PCDH9: variants seen among roughly 807,000 people sequenced by gnomAD.
PCDH9 encodes the protein protocadherin-9.
In PCDH9, 24 loss-of-function variants were observed where a neutral mutation model predicts 70.6. That is an observed-to-expected ratio of 0.34 (90% CI 0.25 to 0.48). The LOEUF (loss-of-function observed/expected upper bound fraction) is 0.48, where lower values mean the gene tolerates loss of function less well. Among genes scored for constraint, PCDH9 ranks in the 20% least tolerant of loss-of-function variants. The pLI is 0.99. For synonymous variants in PCDH9, 562 were observed against 558.5 expected (o/e 1.01, Z -0.09); for missense variants, 1,281 against 1,503.6 (o/e 0.85, Z 2.45).
chr13:66,353,114 C>T (rs1389326202), intron 4 of PCDH9, among the ~76,000 whole-genome samples: 2 of 152,126 alleles, frequency 1.3e-5, no homozygotes, highest in African/African-American at 4.8e-5. Context: ...AATGAAATTC[C>T]TTCCTTTACC....
chr13:67,144,401 C>T (rs575598301), intron 2 of PCDH9, among the ~76,000 whole-genome samples: 2 of 152,198 alleles, frequency 1.3e-5, no homozygotes, highest in Admixed American at 6.5e-5. Context: ...AATATCCTGT[C>T]GTTGGAACTG....
At chr13:66,980,734 T>TTTG (rs1555293457) in intron 2 of PCDH9, among the ~76,000 whole-genome samples, 7 of 138,464 alleles carry the variant, frequency 5.1e-5, no homozygotes, top group Non-Finnish European at 1.1e-4. Context: ...TTCTTTGTTT[T>TTTG]TTTTTTTGTT....
At chr13:66,674,974 A>G (rs2078223215) in intron 3 of PCDH9, among the ~76,000 whole-genome samples, 1 of 152,076 alleles carries the variant, frequency 6.6e-6, no homozygotes, top group African/African-American at 2.4e-5. Context: ...CAGTCCTCAT[A>G]ATCTTTTAAT....
intron 2 of PCDH9, among the ~76,000 whole-genome samples, chr13:67,085,802 T>C (rs995047811): frequency 1.3e-5 from 2 of 152,188 alleles, no homozygotes; most frequent in African/African-American, 2.4e-5. Context: ...CAGTGGATGG[T>C]AAATAGATCT....
At position 67,227,722 on chromosome 13, in the gene PCDH9, A is replaced by G. The variant is rs1482865110; in HGVS notation, c.719T>C (p.Val240Ala). The change falls in exon 2 of 5, where the codon GTC becomes GCC. Residue 240 changes from valine to alanine, a missense_variant. Physicochemically the swap from Val to Ala is moderately conservative, Grantham distance 64. This residue lies in a region of PCDH9 where 798 missense variants were observed against 1,003.1 expected (regional missense o/e 0.80). Coordinates refer to ENST00000377865, the MANE Select transcript of PCDH9 (RefSeq NM_203487.3). The surrounding 1 kb of genome is among the most constrained non-coding windows in gnomAD (Gnocchi z 4.6). ...GTTGTCATTTACATCACTTACTGTG[A>G]CCTGCAGTATGGCCGTACTGGATTT... ...PQKSSTAILQ[V>A]TVSDVNDNRP... 6.2e-7 allele frequency: 1 copy of G among 1,613,924 alleles called. No homozygotes were observed. Among genetic ancestry groups the G allele is most frequent in the Non-Finnish European group, 8.5e-7 (1 of 1,179,824 alleles).
At chr13:66,781,572 T>A (rs1054883450) in intron 3 of PCDH9, among the ~76,000 whole-genome samples, 1 of 152,158 alleles carries the variant, frequency 6.6e-6, no homozygotes, top group African/African-American at 2.4e-5. Context: ...AAAGAATACA[T>A]TTTTTGGTGA....
At position 66,654,427 on chromosome 13, in the gene PCDH9, C is replaced by A. The variant is rs1230717575; in HGVS notation, c.3139-23016G>T. Among the ~76,000 whole-genome samples, 5 of 151,538 alleles carry A rather than the reference C, an allele frequency of 3.3e-5. No individual in the cohort carries two copies. In the East Asian group the frequency reaches 9.7e-4, roughly 29 times the overall value. On this transcript the variant is annotated intron_variant, in intron 3 of 4. Coordinates refer to ENST00000377865, the MANE Select transcript of PCDH9 (RefSeq NM_203487.3). ...CATAGCACAACAGGGAAACTACAGTCAACAATAATTTATTGTATATTTTAG... is the reference window on the plus strand; with the variant it reads ...CATAGCACAACAGGGAAACTACAGTAAACAATAATTTATTGTATATTTTAG...
chr13:66,933,893 A>C (rs1175135108), intron 2 of PCDH9, among the ~76,000 whole-genome samples: 1 of 75,368 alleles, frequency 1.3e-5, no homozygotes, highest in African/African-American at 4.2e-5. Flanking sequence ...TAAGCTAGGC[A>C]AAAAAAAAAA....
At chr13:66,838,944 C>T (rs1286667357) in intron 3 of PCDH9, among the ~76,000 whole-genome samples, 1 of 151,920 alleles carries the variant, frequency 6.6e-6, no homozygotes, top group African/African-American at 2.4e-5. Context: ...ACATTTTGAA[C>T]TAGTGCAAAG....
At chr13:66,526,390 TC>T (rs1385690113) in intron 4 of PCDH9, among the ~76,000 whole-genome samples, 7 of 152,040 alleles carry the variant, frequency 4.6e-5, no homozygotes, top group Non-Finnish European at 1.0e-4. Flanking sequence ...GAATGAAGAC[TC>T]CCCTGAAGAG....
chr13:67,213,689 T>C (rs1431754375), intron 2 of PCDH9: 2 of 152,130 alleles, frequency 1.3e-5, no homozygotes, highest in Non-Finnish European at 2.9e-5. Flanking sequence ...AGGTTTTATG[T>C]GTTAGATTAA....
In PCDH9 at chr13:66,527,814, T is replaced by TC. The variant is rs1960280331; in HGVS notation, c.3340+103395dup. Among the ~76,000 whole-genome samples, 8 of 152,212 alleles carry TC rather than the reference T, an allele frequency of 5.3e-5. No homozygotes were observed. The South Asian group carries it at 1.5e-3, about 28-fold the overall frequency. ...GGGCAGATCACTTGAGGTCAGGAGT[T>TC]CAAGACCAGCCTGGGGAACATGGCA... is the stretch of plus-strand genomic sequence containing the variant. On this transcript the variant is annotated intron_variant, in intron 4 of 4. Coordinates refer to ENST00000377865, the MANE Select transcript of PCDH9 (RefSeq NM_203487.3).
chr13:67,166,617 TACTC>T (rs1566468907), intron 2 of PCDH9, among the ~76,000 whole-genome samples: 1 of 152,240 alleles, frequency 6.6e-6, no homozygotes, highest in Non-Finnish European at 1.5e-5. Context: ...TATTTTACTA[TACTC>T]ATACATAAGG....
At chr13:67,017,502 A>G (rs1180308400) in intron 2 of PCDH9, among the ~76,000 whole-genome samples, 1 of 152,200 alleles carries the variant, frequency 6.6e-6, no homozygotes, top group Non-Finnish European at 1.5e-5. Flanking sequence ...GGGGAAAAGG[A>G]GTGGTACCCA....
chr13:67,113,123 T>G (rs2086689810), intron 2 of PCDH9, among the ~76,000 whole-genome samples: 1 of 152,212 alleles, frequency 6.6e-6, no homozygotes, highest in African/African-American at 2.4e-5. Context: ...TTCCTACTTT[T>G]AGACTATAAT....
rs116550917 is a variant in PCDH9 at position 66,872,917 on chromosome 13, C to T, written c.3138+30587G>A. Among the ~76,000 whole-genome samples the T allele has an allele frequency of 8.8e-3, 1,337 of 152,230 alleles. 21 individuals are homozygous for T. The highest frequency in any genetic ancestry group is 0.031 in the African/African-American group (1,272 of 41,544). ...TCTGAAAGGATGATGGCAACATACA[C>T]ACTGATTAAATATAGAGATGGCCCA... is the stretch of plus-strand genomic sequence containing the variant. On this transcript the variant is annotated intron_variant, in intron 3 of 4. Coordinates refer to ENST00000377865, the MANE Select transcript of PCDH9 (RefSeq NM_203487.3).
chr13:67,176,347 T>A (rs1387070465), intron 2 of PCDH9, among the ~76,000 whole-genome samples: 1 of 152,134 alleles, frequency 6.6e-6, no homozygotes, highest in East Asian at 1.9e-4. Flanking sequence ...TCCCCCATGC[T>A]TAACCAGATG....
At chr13:66,729,381 C>T (rs751824041) in intron 3 of PCDH9, among the ~76,000 whole-genome samples, 8 of 152,118 alleles carry the variant, frequency 5.3e-5, no homozygotes, top group Non-Finnish European at 1.0e-4. Context: ...GACTTTTAGT[C>T]ATGTGCATCT....
intron 3 of PCDH9, among the ~76,000 whole-genome samples, chr13:66,761,281 A>G (rs532925998): frequency 3.3e-5 from 5 of 152,102 alleles, no homozygotes; most frequent in African/African-American, 1.2e-4. Context: ...CTTTCTCTTT[A>G]CTTCTCAGAC....
Sources: gnomAD v4.1 joint callset for allele counts (sites outside exome capture counted in the v4.1 genomes callset) on GRCh38, gnomAD v4.1.1 for gene constraint, gnomAD v4.1.1 regional missense constraint, Gnocchi (gnomAD v3.1) non-coding constraint, MANE v1.5 for transcripts, NCBI Gene and HGNC (gene_info 2026-07-23, HGNC 2026-07-21) for gene names.